Variants in METTL8 observed in about 807,000 individuals in gnomAD.
METTL8 encodes the protein tRNA N(3)-cytidine methyltransferase METTL8, mitochondrial.
METTL8 carries 32 observed loss-of-function variants against 48.7 expected under a neutral mutation model. The ratio of observed to expected loss-of-function variants is 0.66; its 90% CI spans 0.50 to 0.88. The LOEUF is 0.88. Ranked by LOEUF, METTL8 falls within the 40% of genes least tolerant of loss-of-function variation. The probability of loss-of-function intolerance (pLI) is 0.00; values close to 1 mark genes in which losing one functional copy is unlikely to be tolerated. For synonymous variants in METTL8, 136 were observed against 157.1 expected, an observed-to-expected ratio of 0.87 and a Z score of 1.01; for missense variants, 464 against 474.4, an observed-to-expected ratio of 0.98 and a Z score of 0.20.
At chr2:171,431,851 C>T (rs1459593253) in intron 1 of METTL8, among the ~76,000 whole-genome samples, 1 of 152,240 alleles carries the variant, frequency 6.6e-6, no homozygotes, top group African/African-American at 2.4e-5. Flanking sequence ...CATGCTGTAA[C>T]ACCCACCTCT....
Position 171,395,456 on chromosome 2 carries a change from A to G in METTL8, c.-12-3259T>C, listed in dbSNP as rs574026247. On this transcript the variant is annotated intron_variant, in intron 1 of 9. Coordinates refer to ENST00000375258, the MANE Select transcript of METTL8 (RefSeq NM_001321154.2). Reference sequence around the variant, plus strand: ...TAAGACCCAGCAATATACTGTTTATAAGGCAAGCACTTTAAATATAAAGAA... The same window carrying G: ...TAAGACCCAGCAATATACTGTTTATGAGGCAAGCACTTTAAATATAAAGAA... Among the ~76,000 whole-genome samples the G allele has an allele frequency of 1.8e-4, 28 of 152,350 alleles. 1 individual carries two copies. The highest frequency in any genetic ancestry group is 4.0e-4 in the Non-Finnish European group (27 of 68,010).
intron 2 of METTL8, among the ~76,000 whole-genome samples, chr2:171,367,456 T>C (rs1234634564): frequency 6.6e-6 from 1 of 151,938 alleles, no homozygotes; most frequent in Non-Finnish European, 1.5e-5. Context: ...ATTTGTAAAA[T>C]AAAGACATTT....
intron 2 of METTL8, among the ~76,000 whole-genome samples, chr2:171,369,081 G>A (rs978845357): frequency 1.3e-5 from 2 of 151,934 alleles, no homozygotes; most frequent in Non-Finnish European, 2.9e-5. Flanking sequence ...CAAGGTAGGC[G>A]GATCACGAGG....
chr2:171,362,611 G>C (rs1165808104), intron 2 of METTL8, among the ~76,000 whole-genome samples: 1 of 138,310 alleles, frequency 7.2e-6, no homozygotes, highest in Non-Finnish European at 1.6e-5. Context: ...ATCAAAATTG[G>C]TATGCTGCAG....
At chr2:171,407,852 G>A (rs1690344702) in intron 1 of METTL8, among the ~76,000 whole-genome samples, 1 of 152,198 alleles carries the variant, frequency 6.6e-6, no homozygotes, top group East Asian at 1.9e-4. Context: ...CATAAATGAT[G>A]CATCTGAGTA....
At chr2:171,347,279 G>A (rs1022335166) in intron 3 of METTL8, among the ~76,000 whole-genome samples, 1 of 152,136 alleles carries the variant, frequency 6.6e-6, no homozygotes, top group African/African-American at 2.4e-5. Context: ...TCTCCTGCCT[G>A]CCTTTCCTGC....
At chr2:171,375,498 A>C (rs1373910246) in intron 2 of METTL8, among the ~76,000 whole-genome samples, 2 of 152,158 alleles carry the variant, frequency 1.3e-5, no homozygotes, top group Admixed American at 1.3e-4. Context: ...TTTTAATTTC[A>C]GCTATTCAAA....
intron 3 of METTL8, among the ~76,000 whole-genome samples, chr2:171,342,548 C>T (rs1361752558): frequency 6.6e-6 from 1 of 152,026 alleles, no homozygotes; most frequent in East Asian, 1.9e-4. Context: ...AAATCAGACT[C>T]AGGAGAAATT....
At chr2:171,431,868 T>C (rs1345838206) in intron 1 of METTL8, among the ~76,000 whole-genome samples, 5 of 152,228 alleles carry the variant, frequency 3.3e-5, no homozygotes, top group Non-Finnish European at 7.3e-5. Context: ...CTCTGGGGCT[T>C]CTGGGTTGCC....
At chr2:171,427,196 C>T (rs1015658434) in intron 1 of METTL8, among the ~76,000 whole-genome samples, 3 of 152,154 alleles carry the variant, frequency 2.0e-5, no homozygotes, top group Non-Finnish European at 4.4e-5. Flanking sequence ...ATCAACTCTA[C>T]TTCCAAAATA....
At chr2:171,344,071 GAGAAA>G (rs1687039832) in intron 3 of METTL8, among the ~76,000 whole-genome samples, 1 of 152,046 alleles carries the variant, frequency 6.6e-6, no homozygotes, top group Non-Finnish European at 1.5e-5. Context: ...CAGGAATTAG[GAGAAA>G]AGAAATCAGA....
intron 2 of METTL8, among the ~76,000 whole-genome samples, chr2:171,390,361 AG>A (rs1378064069): frequency 6.6e-6 from 1 of 152,244 alleles, no homozygotes; most frequent in African/African-American, 2.4e-5. Context: ...CCTTGGATCA[AG>A]AAGTAATTTC....
chr2:171,325,979 G>T, intron 8 of METTL8, 63 bp downstream of exon 8: 2 of 1,355,984 alleles, frequency 1.5e-6, no homozygotes, highest in East Asian at 2.4e-5. Context: ...ACTTTGATGT[G>T]AAATATAAAC....
At chr2:171,332,481 C>T (rs1166112777) in intron 5 of METTL8, 2 of 152,562 alleles carry the variant, frequency 1.3e-5, no homozygotes, top group Non-Finnish European at 2.9e-5. Flanking sequence ...TTGGACTCTT[C>T]TTAACTTAAA....
At chr2:171,417,424 A>T (rs1691423848) in intron 1 of METTL8, among the ~76,000 whole-genome samples, 1 of 152,244 alleles carries the variant, frequency 6.6e-6, no homozygotes, top group Admixed American at 6.5e-5. Flanking sequence ...TCAAACAATT[A>T]TATAAGGTTT....
intron 2 of METTL8, among the ~76,000 whole-genome samples, chr2:171,377,426 A>T (rs1240262642): frequency 6.6e-6 from 1 of 152,230 alleles, no homozygotes; most frequent in East Asian, 1.9e-4. Context: ...AAAGCAAAAG[A>T]AATAATCAGC....
rs117859048 is a variant in METTL8 at position 171,422,253 on chromosome 2, T to G, written c.-13+11630A>C. ...GTGAAGAAATGAAGAGACTATTCAA[T>G]AAGTGGGTCTGGAACAAGTGATTAT... On this transcript the variant is annotated intron_variant, in intron 1 of 9. Coordinates refer to ENST00000375258, the MANE Select transcript of METTL8 (RefSeq NM_001321154.2). Among the ~76,000 whole-genome samples, 233 of 152,294 alleles carry G rather than the reference T, an allele frequency of 1.5e-3. 4 individuals carry two copies. In the East Asian group the frequency reaches 0.017, roughly 11 times the overall value.
At chr2:171,358,930 G>T (rs1256916274) in intron 3 of METTL8, among the ~76,000 whole-genome samples, 1 of 152,026 alleles carries the variant, frequency 6.6e-6, no homozygotes, top group African/African-American at 2.4e-5. Flanking sequence ...TTTGACAAGG[G>T]ATTAATAATG....
chr2:171,401,763 T>C (rs1689664938), intron 1 of METTL8, among the ~76,000 whole-genome samples: 1 of 152,208 alleles, frequency 6.6e-6, no homozygotes. Context: ...ACATTTAGAC[T>C]TCTATGTACG....
Sources: gnomAD v4.1 joint callset for allele counts (sites outside exome capture counted in the v4.1 genomes callset) on GRCh38, gnomAD v4.1.1 for gene constraint, MANE v1.5 for transcripts, NCBI Gene and HGNC (gene_info 2026-07-23, HGNC 2026-07-21) for gene names.